DNER: variants seen among roughly 807,000 people sequenced by gnomAD.
DNER encodes delta/notch like EGF repeat containing.
DNER carries 33 observed loss-of-function variants against 78.2 expected under a neutral mutation model. The observed-to-expected ratio is 0.42, with a 90% CI of 0.32 to 0.56. The LOEUF (loss-of-function observed/expected upper bound fraction) is 0.56, where lower values mean the gene tolerates loss of function less well. Ranked by LOEUF, DNER falls within the 20% of genes least tolerant of loss-of-function variation. The pLI is 0.11. For missense variants in DNER, 918 were observed against 975.3 expected (o/e 0.94, Z 0.78); for synonymous variants, 417 against 384.8 (o/e 1.08, Z -0.98).
intron 6 of DNER, among the ~76,000 whole-genome samples, chr2:229,481,981 T>A (rs184887344): frequency 1.3e-4 from 20 of 152,352 alleles, no homozygotes; most frequent in Non-Finnish European, 1.6e-4. Context: ...AAAACCCATG[T>A]AAAGGCACAC....
intron 5 of DNER, among the ~76,000 whole-genome samples, chr2:229,536,962 A>G (rs1250698749): frequency 6.6e-6 from 1 of 151,862 alleles, no homozygotes; most frequent in African/African-American, 2.4e-5. Flanking sequence ...TTGTGCCCCA[A>G]TACAACACAT....
intron 6 of DNER, among the ~76,000 whole-genome samples, chr2:229,491,893 T>A (rs75175791): frequency 0.036 from 5,462 of 152,128 alleles, 163 homozygotes; most frequent in African/African-American, 0.066. Context: ...TGCTCAGCCA[T>A]AACCTTAAGT....
chr2:229,470,026 A>G (rs370862008), intron 7 of DNER, among the ~76,000 whole-genome samples: 143 of 152,358 alleles, frequency 9.4e-4, no homozygotes, highest in African/African-American at 3.2e-3. Context: ...AGACAGCATC[A>G]GTACTGTTAT....
intron 5 of DNER, among the ~76,000 whole-genome samples, chr2:229,541,944 T>C (rs1304196523): frequency 1.4e-5 from 2 of 147,262 alleles, no homozygotes; most frequent in African/African-American, 4.9e-5. Context: ...TATTTATATA[T>C]ACTTTATATT....
chr2:229,628,808 C>G (rs911336802), intron 1 of DNER, among the ~76,000 whole-genome samples: 2 of 152,192 alleles, frequency 1.3e-5, no homozygotes, highest in Non-Finnish European at 2.9e-5. Flanking sequence ...GTTCTAACAT[C>G]AAGAGTTGGA....
rs893203760 is a variant in DNER, at chr2:229,445,385, A to C, written c.1486+1931T>G. ...AATATCCTCATGTCAAACACAGTGG[A>C]GAAACTGTTTCACTTCAAGGTTTAT... On this transcript the variant is annotated intron_variant, in intron 8 of 12. Coordinates refer to ENST00000341772, the MANE Select transcript of DNER (RefSeq NM_139072.4). 2.0e-5 allele frequency among the ~76,000 whole-genome samples: 3 copies of C among 152,206 alleles called. No homozygotes were observed. In the East Asian group the frequency reaches 5.8e-4, roughly 29 times the overall value.
intron 1 of DNER, among the ~76,000 whole-genome samples, chr2:229,710,982 C>T (rs530703877): frequency 2.7e-5 from 3 of 112,168 alleles, no homozygotes; most frequent in South Asian, 3.1e-4. Flanking sequence ...TGCATACACG[C>T]GCACACACAC....
At chr2:229,386,631 AAAAAC>A (rs1428493276) in intron 11 of DNER, among the ~76,000 whole-genome samples, 30 of 152,196 alleles carry the variant, frequency 2.0e-4, no homozygotes, top group African/African-American at 6.3e-4. Flanking sequence ...ACAAGAAAAA[AAAAAC>A]AAACAACCAC....
intron 7 of DNER, among the ~76,000 whole-genome samples, chr2:229,466,565 T>A (rs1185878010): frequency 6.6e-6 from 1 of 152,142 alleles, no homozygotes; most frequent in African/African-American, 2.4e-5. Context: ...ATACTGTCCA[T>A]GCTGTCTCTC....
At chr2:229,378,553 G>T (rs369437087) in intron 11 of DNER, among the ~76,000 whole-genome samples, 1 of 152,162 alleles carries the variant, frequency 6.6e-6, no homozygotes, top group Non-Finnish European at 1.5e-5. Flanking sequence ...CGAGTTAATG[G>T]AAGCCTCCTT....
At position 229,629,541 on chromosome 2, in the gene DNER, G is replaced by C. The variant is rs536019368; in HGVS notation, c.277-37653C>G. ...CCAGGGTGCCAGTTTGAGTGAGTCAGCCCTTAAAAGACCCTTGAGCAATAC... is the reference window on the plus strand; with the variant it reads ...CCAGGGTGCCAGTTTGAGTGAGTCACCCCTTAAAAGACCCTTGAGCAATAC... On this transcript the variant is annotated intron_variant, in intron 1 of 12. Coordinates refer to ENST00000341772, the MANE Select transcript of DNER (RefSeq NM_139072.4). 5.9e-5 allele frequency among the ~76,000 whole-genome samples: 9 copies of C among 152,290 alleles called. No individual in the cohort carries two copies. In the South Asian group the frequency reaches 1.9e-3, roughly 32 times the overall value.
In DNER at chr2:229,363,890, C is replaced by T. The variant is rs371143181; in HGVS notation, c.2102+2983G>A. Among the ~76,000 whole-genome samples, 63 of 151,932 alleles carry T rather than the reference C, an allele frequency of 4.1e-4. 1 individual carries two copies. Among genetic ancestry groups the T allele is most frequent in the African/African-American group, 1.3e-3 (55 of 41,416 alleles). ...TCTCCCAACACATGAGAATACAATG[C>T]CATGGATTCTGCTCCCTCCTGGTAA... is the stretch of plus-strand genomic sequence containing the variant. On this transcript the variant is annotated intron_variant, in intron 12 of 12. Coordinates refer to ENST00000341772, the MANE Select transcript of DNER (RefSeq NM_139072.4).
At chr2:229,620,656 A>T (rs1197030808) in intron 1 of DNER, among the ~76,000 whole-genome samples, 1 of 152,236 alleles carries the variant, frequency 6.6e-6, no homozygotes. Flanking sequence ...CCACACTGGG[A>T]TGGGGCGTCA....
chr2:229,554,878 A>C (rs1419869877), intron 4 of DNER, among the ~76,000 whole-genome samples: 1 of 63,218 alleles, frequency 1.6e-5, no homozygotes, highest in Non-Finnish European at 3.1e-5. Flanking sequence ...AAGAGAAGAG[A>C]AGAGAAGAGA....
At chr2:229,436,052 A>T (rs1037976502) in intron 8 of DNER, among the ~76,000 whole-genome samples, 1 of 152,088 alleles carries the variant, frequency 6.6e-6, no homozygotes, top group African/African-American at 2.4e-5. Context: ...TTATTTTCTC[A>T]CCCAGGTAAT....
chr2:229,519,232 C>T (rs1380025483), intron 5 of DNER, among the ~76,000 whole-genome samples: 1 of 152,174 alleles, frequency 6.6e-6, no homozygotes, highest in Non-Finnish European at 1.5e-5. Context: ...CCTTTTCAAT[C>T]TTATTCTCTG....
At chr2:229,383,019 C>T (rs559013363) in intron 11 of DNER, among the ~76,000 whole-genome samples, 6 of 152,150 alleles carry the variant, frequency 3.9e-5, no homozygotes, top group Non-Finnish European at 8.8e-5. Context: ...AGAGAAAGGT[C>T]GGGTTACCCA....
intron 5 of DNER, among the ~76,000 whole-genome samples, chr2:229,520,595 G>A (rs76403312): frequency 0.047 from 7,117 of 152,234 alleles, 417 homozygotes; most frequent in African/African-American, 0.14. Flanking sequence ...ATATGTTTGA[G>A]ATTTTCCATA....
At chr2:229,641,727 A>C (rs1004247321) in intron 1 of DNER, among the ~76,000 whole-genome samples, 1 of 152,206 alleles carries the variant, frequency 6.6e-6, no homozygotes, top group Non-Finnish European at 1.5e-5. Flanking sequence ...AAAAGAAATA[A>C]AAATCAAAAA....
Sources: gnomAD v4.1 joint callset for allele counts (sites outside exome capture counted in the v4.1 genomes callset) on GRCh38, gnomAD v4.1.1 for gene constraint, MANE v1.5 for transcripts, NCBI Gene and HGNC (gene_info 2026-07-23, HGNC 2026-07-21) for gene names.